Variants in PCDH15 observed in about 807,000 individuals in gnomAD.
PCDH15 encodes the protein protocadherin-15.
PCDH15 carries 129 observed loss-of-function variants against 178.5 expected under a neutral mutation model. The observed-to-expected ratio is 0.72, with a 90% CI of 0.63 to 0.84. The LOEUF (loss-of-function observed/expected upper bound fraction) is 0.84. Ranked by LOEUF, PCDH15 falls within the 40% of genes least tolerant of loss-of-function variation. The pLI is 0.00. For synonymous variants in PCDH15, 800 were observed against 732.0 expected (o/e 1.09, Z -1.50); for missense variants, 2,230 against 2,099.9 (o/e 1.06, Z -1.21).
chr10:55,469,636 G>A (rs1839914058), intron 2 of PCDH15, among the ~76,000 whole-genome samples: 1 of 151,776 alleles, frequency 6.6e-6, no homozygotes, highest in South Asian at 2.1e-4. Flanking sequence ...AATTAATGCT[G>A]TGAATGTTAT....
intron 2 of PCDH15, among the ~76,000 whole-genome samples, chr10:55,001,739 C>T (rs150336167): frequency 6.6e-6 from 1 of 152,262 alleles, no homozygotes; most frequent in African/African-American, 2.4e-5. Context: ...CAAGCACAGC[C>T]TGCCAGGCCA....
chr10:54,740,117 T>C (rs945713270), intron 1 of PCDH15, among the ~76,000 whole-genome samples: 19 of 151,930 alleles, frequency 1.3e-4, no homozygotes, highest in African/African-American at 4.6e-4. Flanking sequence ...TGGGAGAAAA[T>C]ATTTGTAAAC....
At chr10:55,241,560 C>T (rs113101133) in intron 1 of PCDH15, among the ~76,000 whole-genome samples, 181 of 152,172 alleles carry the variant, frequency 1.2e-3, no homozygotes, top group African/African-American at 4.2e-3. Context: ...GCTGAGACCA[C>T]AGGTGTACAC....
chr10:54,645,274 G>A (rs111432393), intron 2 of PCDH15, among the ~76,000 whole-genome samples: 8 of 152,104 alleles, frequency 5.3e-5, no homozygotes, highest in Middle Eastern at 3.4e-3. Context: ...TTAGCTAGCC[G>A]GTGGTAGAGA....
At chr10:53,948,380 A>G (rs2086748157) in intron 23 of PCDH15, among the ~76,000 whole-genome samples, 1 of 152,120 alleles carries the variant, frequency 6.6e-6, no homozygotes, top group African/African-American at 2.4e-5. Flanking sequence ...ATTATACATT[A>G]TTTGACATTA....
chr10:54,277,026 G>A lies in PCDH15; in HGVS notation c.877-40095C>T, dbSNP rs2058386371. ...GATCTGACTCACAAACTTAAGAGCT[G>A]GTGGAAATTCAGCACGTTTTTTTTC... On this transcript the variant is annotated intron_variant, in intron 8 of 37. Coordinates refer to ENST00000644397, the MANE Select transcript of PCDH15 (RefSeq NM_001384140.1). Among the ~76,000 whole-genome samples, 3 of 151,544 alleles carry A rather than the reference G, an allele frequency of 2.0e-5. No homozygotes were observed. The South Asian group carries it at 6.2e-4, about 31-fold the overall frequency.
At chr10:54,661,460 T>A (rs2094489956) in intron 2 of PCDH15, among the ~76,000 whole-genome samples, 1 of 151,864 alleles carries the variant, frequency 6.6e-6, no homozygotes, top group African/African-American at 2.4e-5. Flanking sequence ...TCAACATCAT[T>A]AAAATGACTG....
chr10:54,262,078 T>A (rs890761149), intron 8 of PCDH15, among the ~76,000 whole-genome samples: 14 of 152,034 alleles, frequency 9.2e-5, no homozygotes, highest in Admixed American at 9.2e-4. Flanking sequence ...ACTTCTGAGA[T>A]CCTAGCTACA....
At position 54,380,819 on chromosome 10, in the gene PCDH15, A is replaced by G. The variant is rs1393617977; in HGVS notation, c.158-1877T>C. 3.4e-5 allele frequency among the ~76,000 whole-genome samples: 5 copies of G among 147,672 alleles called. No individual in the cohort carries two copies. The East Asian group carries it at 9.9e-4, about 29-fold the overall frequency. On this transcript the variant is annotated intron_variant, in intron 3 of 37. Coordinates refer to ENST00000644397, the MANE Select transcript of PCDH15 (RefSeq NM_001384140.1). ...ATCTTTACAAAGCAAATAGTTTATA[A>G]CCAGATAAAGTTTTAATAGTAACTA... is the stretch of plus-strand genomic sequence containing the variant.
At chr10:55,167,092 T>A (rs1839215050) in intron 1 of PCDH15, among the ~76,000 whole-genome samples, 1 of 152,106 alleles carries the variant, frequency 6.6e-6, no homozygotes, top group African/African-American at 2.4e-5. Context: ...AGATTGAAAG[T>A]TACTTTTGAT....
chr10:54,619,183 G>A (rs2093279645), intron 2 of PCDH15: 1 of 151,932 alleles, frequency 6.6e-6, no homozygotes, highest in Admixed American at 6.6e-5. Context: ...TGAAATTGAA[G>A]ACCCCTCCTG....
chr10:55,324,656 A>G (rs923291737), intron 2 of PCDH15, among the ~76,000 whole-genome samples: 3 of 152,160 alleles, frequency 2.0e-5, no homozygotes, highest in Non-Finnish European at 4.4e-5. Context: ...CACTGAGAGT[A>G]TTAGACTGAT....
At chr10:54,567,651 A>G (rs888525420) in intron 2 of PCDH15, among the ~76,000 whole-genome samples, 1 of 152,174 alleles carries the variant, frequency 6.6e-6, no homozygotes, top group African/African-American at 2.4e-5. Context: ...TCTATGCTCT[A>G]TGTTCAAGCA....
chr10:55,100,950 C>T (rs1483882130), intron 2 of PCDH15, among the ~76,000 whole-genome samples: 2 of 152,126 alleles, frequency 1.3e-5, no homozygotes, highest in South Asian at 2.1e-4. Flanking sequence ...AAATTATCTT[C>T]CTCATCTATG....
intron 25 of PCDH15, among the ~76,000 whole-genome samples, chr10:53,911,912 T>C (rs1171314723): frequency 1.3e-5 from 2 of 151,986 alleles, no homozygotes; most frequent in East Asian, 1.9e-4. Flanking sequence ...TTCCAATCAA[T>C]AGAAAAAGAG....
At position 55,173,137 on chromosome 10, in the gene PCDH15, TA is replaced by T. The variant is rs543150786; in HGVS notation, c.-155-6487del. ...TTGATTTTGCTTTGTAATTGGCAAT[TA>T]AAAAAAACACTTTAGAATTCCTTGC... On this transcript the variant is annotated intron_variant, in intron 1 of 5. Transcript: ENST00000458638. Among the ~76,000 whole-genome samples the T allele has an allele frequency of 6.1e-3, 917 of 151,470 alleles. 3 individuals carry two copies. The highest frequency in any genetic ancestry group is 8.5e-3 in the Non-Finnish European group (577 of 67,766).
At chr10:55,033,551 CT>C (rs1304173998) in intron 2 of PCDH15, among the ~76,000 whole-genome samples, 4 of 152,176 alleles carry the variant, frequency 2.6e-5, no homozygotes, top group Non-Finnish European at 5.9e-5. Context: ...TTGTGTCTGT[CT>C]TACCATTACA....
chr10:55,533,735 A>G (rs1404253195), intron 2 of PCDH15, among the ~76,000 whole-genome samples: 10 of 151,980 alleles, frequency 6.6e-5, no homozygotes, highest in Admixed American at 5.3e-4. Flanking sequence ...CTATTCTAAG[A>G]TCTATATGGA....
intron 20 of PCDH15, among the ~76,000 whole-genome samples, chr10:54,007,118 T>G (rs1422329774): frequency 6.6e-6 from 1 of 152,250 alleles, no homozygotes; most frequent in African/African-American, 2.4e-5. Flanking sequence ...TATTCAGTTT[T>G]CAGTTTGCTG....
Sources: gnomAD v4.1 joint callset for allele counts (sites outside exome capture counted in the v4.1 genomes callset) on GRCh38, gnomAD v4.1.1 for gene constraint, MANE v1.5 for transcripts, NCBI Gene and HGNC (gene_info 2026-07-23, HGNC 2026-07-21) for gene names.